Variants in TERT observed in about 807,000 individuals in gnomAD.
TERT encodes the protein telomerase reverse transcriptase.
TERT carries 42 observed loss-of-function variants against 104.0 expected under a neutral mutation model. That is an observed-to-expected ratio of 0.40 (90% confidence interval 0.32 to 0.52). The LOEUF (loss-of-function observed/expected upper bound fraction) is 0.52, where lower values mean the gene tolerates loss of function less well. TERT is among the 20% of genes least tolerant of loss of function. The pLI, the probability that TERT is intolerant of heterozygous loss-of-function variation, is 0.43. For missense variants in TERT, 1,101 were observed against 1,610.3 expected (o/e 0.68, Z 5.41); for synonymous variants, 781 against 725.6 (o/e 1.08, Z -1.23).
chr5:1,280,535 C>T (rs1749952499), intron 3 of TERT, among the ~76,000 whole-genome samples, 197 bp from the exon 4 acceptor site: 1 of 152,212 alleles, frequency 6.6e-6, no homozygotes, highest in Non-Finnish European at 1.5e-5. Flanking sequence ...TGCAGGGCAC[C>T]TGGACACCTG....
At chr5:1,279,140 C>T (rs1186436865) in intron 5 of TERT, 151 bp downstream of exon 5, 4 of 907,522 alleles carry the variant, frequency 4.4e-6, no homozygotes, top group Non-Finnish European at 6.6e-6. Flanking sequence ...GGCCTCCACC[C>T]TAGGTGCCAG....
rs746996450 is a variant in TERT at position 1,293,378 on chromosome 5, A to G, written c.1508T>C (p.Leu503Pro). Reference protein sequence around the residue: ...KFISLGKHAKLSLQELTWKMS... With the variant: ...KFISLGKHAKPSLQELTWKMS... ...CTTCCACGTCAGCTCCTGCAGCGAG[A>G]GCTTGGCATGCTTCCCCAGGGAGAT... Residue 503 changes from leucine to proline, a missense_variant, in exon 2 of 16, where the codon CTC becomes CCC. Physicochemically the swap from Leu to Pro is moderately conservative, Grantham distance 98. Coordinates refer to ENST00000310581, the MANE Select transcript of TERT (RefSeq NM_198253.3). 6.2e-7 allele frequency: 1 copy of G among 1,613,334 alleles called. No individual in the cohort carries two copies. Among genetic ancestry groups the G allele is most frequent in the Non-Finnish European group, 8.5e-7 (1 of 1,180,010 alleles).
At chr5:1,272,116 C>T (rs1490511754) in intron 7 of TERT, 69 bp downstream of exon 7, 3 of 1,261,690 alleles carry the variant, frequency 2.4e-6, no homozygotes, top group Non-Finnish European at 3.4e-6. Context: ...GGTCATGAGC[C>T]CAGTGATTGC....
chr5:1,255,300 T>C lies in TERT; in HGVS notation c.3144A>G (p.Lys1048=), dbSNP rs745389061. 6.2e-7 allele frequency: 1 copy of C among 1,613,940 alleles called. No individual in the cohort carries two copies. Among genetic ancestry groups the C allele is most frequent in the Non-Finnish European group, 8.5e-7 (1 of 1,179,918 alleles). ...ACCTGCACATACCTGCGTTCTTGGC[T>C]TTCAGGATGGAGTAGCAGAGGGAGG... ...DTASLCYSIL[K]AKNAGMSLGA... is the part of the protein sequence containing the mutation. The change falls in exon 14 of 16, where the codon AAA becomes AAG. Residue 1048 remains lysine, a synonymous_variant. Transcript: ENST00000310581. This position sits in a 1 kb window ranked among gnomAD's most constrained non-coding sequence, Gnocchi z 6.9.
intron 14 of TERT, 142 bp from the exon 15 acceptor site, chr5:1,254,647 C>T (rs1747587853): frequency 2.0e-5 from 18 of 921,262 alleles, no homozygotes; most frequent in East Asian, 1.9e-4. Context: ...GGAGTCACGA[C>T]AGAAATGTTT....
chr5:1,254,715 G>C (rs181329212), intron 14 of TERT, among the ~76,000 whole-genome samples: 14 of 152,238 alleles, frequency 9.2e-5, no homozygotes, highest in African/African-American at 3.1e-4. Flanking sequence ...AGTAGAAGCT[G>C]TTAAGCTCAG....
Position 1,265,919 on chromosome 5 carries a change from C to T in TERT, c.2654+545G>A, listed in dbSNP as rs2126599395. ...TTTTAGTTTGATTCACAAAAATCAACTCTGAAACCCACTCCTAGCCATCTC... is the reference window on the plus strand; with the variant it reads ...TTTTAGTTTGATTCACAAAAATCAATTCTGAAACCCACTCCTAGCCATCTC... On this transcript the variant is annotated intron_variant, in intron 10 of 15. Coordinates refer to ENST00000310581, the MANE Select transcript of TERT (RefSeq NM_198253.3). The surrounding 1 kb of genome is among the most constrained non-coding windows in gnomAD (Gnocchi z 6.9). Among the ~76,000 whole-genome samples, 1 of 152,320 alleles carries T rather than the reference C, an allele frequency of 6.6e-6. No individual in the cohort carries two copies. The highest frequency in any genetic ancestry group is 2.1e-4 in the South Asian group (1 of 4,824).
chr5:1,272,406 A>G, intron 6 of TERT, 126 bp from the exon 7 acceptor site: 1 of 894,904 alleles, frequency 1.1e-6, no homozygotes, highest in Non-Finnish European at 1.8e-6. Context: ...AAGCCCAGAG[A>G]GCGCCTGGGA....
chr5:1,277,734 T>G (rs542740871), intron 6 of TERT, among the ~76,000 whole-genome samples: 1 of 152,042 alleles, frequency 6.6e-6, no homozygotes, highest in East Asian at 1.9e-4. Flanking sequence ...CAGCTTTCCA[T>G]GAGGGTAAAA....
chr5:1,293,446 G>C lies in TERT; in HGVS notation c.1440C>G (p.Ser480=). Residue 480 remains serine (S), a synonymous_variant, in exon 2 of 16, where the codon TCC becomes TCG. Coordinates refer to ENST00000310581, the MANE Select transcript of TERT (RefSeq NM_198253.3). ...RRLVPPGLWG[S]RHNERRFLRN... ...TGAGGAAGCGGCGTTCGTTGTGCCT[G>C]GAGCCCCAGAGGCCTGGGGGCACCA... The C allele has an allele frequency of 6.2e-7, 1 of 1,611,342 alleles. No homozygotes were observed. The highest frequency in any genetic ancestry group is 8.5e-7 in the Non-Finnish European group (1 of 1,179,356).
In TERT at chr5:1,263,686, G is replaced by A. The variant is rs566584104; in HGVS notation, c.2843+718C>T. On this transcript the variant is annotated intron_variant, in intron 11 of 15. Coordinates refer to ENST00000310581, the MANE Select transcript of TERT (RefSeq NM_198253.3). The surrounding 1 kb of genome is among the most constrained non-coding windows in gnomAD (Gnocchi z 5.3). ...CTCCCAAAGTGCTGGGATTATAGGT[G>A]TGAGCCACCTTGCCCTGCCTGGAAT... Among the ~76,000 whole-genome samples the A allele has an allele frequency of 6.6e-6, 1 of 152,362 alleles. No homozygotes were observed. The highest frequency in any genetic ancestry group is 2.1e-4 in the South Asian group (1 of 4,830).
At chr5:1,272,571 C>G (rs1749143758) in intron 6 of TERT, among the ~76,000 whole-genome samples, 1 of 37,184 alleles carries the variant, frequency 2.7e-5, no homozygotes, top group Admixed American at 2.3e-4. Flanking sequence ...CATCCACAGT[C>G]ACCACATCAG....
Position 1,281,133 on chromosome 5 carries a change from C to T in TERT, c.1770-795G>A, listed in dbSNP as rs147990073. Among the ~76,000 whole-genome samples, 145 of 152,376 alleles carry T rather than the reference C, an allele frequency of 9.5e-4. 6 individuals carry two copies. The highest frequency in any genetic ancestry group is 6.1e-3 in the Admixed American group (93 of 15,310). On this transcript the variant is annotated intron_variant, in intron 3 of 15. Coordinates refer to ENST00000310581, the MANE Select transcript of TERT (RefSeq NM_198253.3). ...GACCACCACGTCTGTCTGCTCCTTC[C>T]GGTCACCCCAATTAAATTCTTTCCA...
chr5:1,289,687 C>T (rs1750746181), intron 2 of TERT, among the ~76,000 whole-genome samples: 1 of 107,828 alleles, frequency 9.3e-6, no homozygotes, highest in Admixed American at 8.9e-5. Context: ...GTCAATCACC[C>T]TGCACGTGAC....
At chr5:1,279,554 G>A (rs1749872439) in intron 4 of TERT, 84 bp from the exon 5 acceptor site, 4 of 1,402,846 alleles carry the variant, frequency 2.9e-6, no homozygotes, top group Admixed American at 2.0e-5. Context: ...GGGAGAAGCA[G>A]CCCCTCCCCA....
rs1748944232 is a variant in TERT, at chr5:1,270,502, C to T, written c.2468+617G>A. 6.6e-6 allele frequency among the ~76,000 whole-genome samples: 1 copy of T among 152,190 alleles called. No individual in the cohort carries two copies. The highest frequency in any genetic ancestry group is 6.5e-5 in the Admixed American group (1 of 15,286). On this transcript the variant is annotated intron_variant, in intron 8 of 15. Transcript: ENST00000310581. The surrounding 1 kb of genome is among the most constrained non-coding windows in gnomAD (Gnocchi z 8.3). ...AGAGGACGTGATGTGGCACCAGGCA[C>T]TGTGGCTCTACCACCGTGAGTGTGG...
rs878855298 is a variant in TERT at position 1,293,743 on chromosome 5, G to A, written c.1143C>T (p.Arg381=). 1.3e-5 allele frequency: 21 copies of A among 1,565,392 alleles called. No individual in the cohort carries two copies. Among genetic ancestry groups the A allele is most frequent in the Non-Finnish European group, 1.6e-5 (19 of 1,155,298 alleles). Residue 381 remains arginine (R), a synonymous_variant, in exon 2 of 16, where the codon CGC becomes CGT. Transcript: ENST00000310581. ...GCATTTGCCAGTAGCGCTGGGGCAG[G>A]CGGGGCAACCTGCGGGGAGTCCCTG... ...WMPGTPRRLP[R]LPQRYWQMRP... is the part of the protein sequence containing the mutation.
rs1297216683 is a variant in TERT at position 1,256,218 on chromosome 5, T to G, written c.3033-807A>C. Among the ~76,000 whole-genome samples the G allele has an allele frequency of 6.6e-6, 1 of 151,976 alleles. No individual in the cohort carries two copies. The highest frequency in any genetic ancestry group is 2.4e-5 in the African/African-American group (1 of 41,372). On this transcript the variant is annotated intron_variant, in intron 13 of 15. Coordinates refer to ENST00000310581, the MANE Select transcript of TERT (RefSeq NM_198253.3). The surrounding 1 kb of genome is among the most constrained non-coding windows in gnomAD (Gnocchi z 7.0). ...TCATAGAGATGGGGTTCTACTATGT[T>G]GCTCAGGCTGGTCTTAAACTCCTGG...
Position 1,282,526 on chromosome 5 carries a change from T to A in TERT, c.1672A>T (p.Arg558Trp). ...GTCTCCGTGACATAAAAGAAAGACC[T>A]GAGCAGCTCGACGACGTACACACTC... ...LMSVYVVELL[R>W]SFFYVTETTF... is the part of the protein sequence containing the mutation. Residue 558 changes from arginine (R) to tryptophan (W), a missense_variant, in exon 3 of 16, where the codon AGG (arginine) becomes TGG (tryptophan). Physicochemically the swap from Arg to Trp is moderately radical, Grantham distance 101 (BLOSUM62 -3). Around this residue, in one of 5 missense-constraint regions of TERT, gnomAD observed 504 missense variants for 544.6 expected, o/e 0.93. Coordinates refer to ENST00000310581, the MANE Select transcript of TERT (RefSeq NM_198253.3). 6.2e-7 allele frequency: 1 copy of A among 1,614,132 alleles called. No homozygotes were observed. The highest frequency in any genetic ancestry group is 8.5e-7 in the Non-Finnish European group (1 of 1,180,030).
Sources: allele counts gnomAD v4.1 joint callset (sites outside exome capture counted in the v4.1 genomes callset), GRCh38; gene constraint gnomAD v4.1.1; regional missense constraint gnomAD v4.1.1; non-coding constraint Gnocchi (gnomAD v3.1); transcripts MANE v1.5; gene names NCBI Gene and HGNC (gene_info 2026-07-23, HGNC 2026-07-21).